SLC25A48: variants seen among roughly 807,000 people sequenced by gnomAD.
The protein encoded by SLC25A48 is CTC-321K16.1.
A neutral mutation model predicts 32.2 loss-of-function variants in SLC25A48; 29 were observed. The observed-to-expected ratio is 0.90, with a 90% CI of 0.67 to 1.23. SLC25A48 has a LOEUF of 1.23. SLC25A48 is among the 50% of genes most tolerant of loss of function. The probability of loss-of-function intolerance (pLI) is 0.00; values close to 1 mark genes in which losing one functional copy is unlikely to be tolerated. For missense variants in SLC25A48, 399 were observed against 422.7 expected (o/e 0.94, Z 0.49); for synonymous variants, 164 against 172.3 (o/e 0.95, Z 0.38).
chr5:135,734,584 T>C (rs548217296), intron 3 of SLC25A48, among the ~76,000 whole-genome samples: 16 of 151,654 alleles, frequency 1.1e-4, no homozygotes, highest in Admixed American at 1.0e-3. Context: ...TCCCAGCACT[T>C]TGGGAGGCTG....
upstream of SLC25A48, among the ~76,000 whole-genome samples, chr5:135,831,456 C>T (rs543637324): frequency 1.3e-5 from 2 of 152,208 alleles, no homozygotes; most frequent in Non-Finnish European, 2.9e-5. Context: ...CTGAGTCTGA[C>T]AGCAGAGATA....
rs1476989420 is a variant in SLC25A48, at chr5:135,780,710, A to G, written c.-520-31813A>G. On this transcript the variant is annotated intron_variant, in intron 3 of 10. Coordinates refer to the SLC25A48 transcript ENST00000646290. ...CTCGGTGTTATTTTTCCTTATATCC[A>G]GGGTTGGGAGAGGATGATATTATAC... Among the ~76,000 whole-genome samples, 3 of 116,422 alleles carry G rather than the reference A, an allele frequency of 2.6e-5. 1 individual carries two copies. The East Asian group carries it at 6.4e-4, about 25-fold the overall frequency. 76.4% of individuals were successfully genotyped at this position (116,422 alleles called of 152,430 possible).
chr5:135,594,294 G>A (rs767416372), intron 1 of SLC25A48, among the ~76,000 whole-genome samples: 6 of 152,236 alleles, frequency 3.9e-5, no homozygotes, highest in Admixed American at 1.3e-4. Context: ...AGTGGCTTCA[G>A]TTGGGGATAC....
At chr5:135,777,159 A>C (rs1416584544) in intron 3 of SLC25A48, among the ~76,000 whole-genome samples, 1 of 150,242 alleles carries the variant, frequency 6.7e-6, no homozygotes, top group African/African-American at 2.5e-5. Context: ...AACTGTACAC[A>C]CCCCCCGTAA....
Position 135,787,120 on chromosome 5 carries a change from G to A in SLC25A48, c.-520-25403G>A, listed in dbSNP as rs115578666. Among the ~76,000 whole-genome samples, 815 of 152,028 alleles carry A rather than the reference G, an allele frequency of 5.4e-3. 6 individuals carry two copies. The highest frequency in any genetic ancestry group is 0.019 in the African/African-American group (776 of 41,462). On this transcript the variant is annotated intron_variant, in intron 3 of 10. Coordinates refer to the SLC25A48 transcript ENST00000646290. ...GGGGGATGTTACTCCTAATTTCACA[G>A]TAAGTGTACACCATGGGTGTGCACC...
chr5:135,750,292 A>G (rs3963615), intron 3 of SLC25A48, among the ~76,000 whole-genome samples: 1 of 151,880 alleles, frequency 6.6e-6, no homozygotes, highest in African/African-American at 2.4e-5. Context: ...ATGGTTTAAA[A>G]CCACCATGGT....
intron 3 of SLC25A48, among the ~76,000 whole-genome samples, chr5:135,679,605 C>T (rs1426778784): frequency 6.6e-6 from 1 of 152,186 alleles, no homozygotes; most frequent in East Asian, 1.9e-4. Flanking sequence ...CTCAGGGCAA[C>T]ATAAAAATGC....
intron 4 of SLC25A48, among the ~76,000 whole-genome samples, chr5:135,861,955 T>C (rs1052674963): frequency 1.3e-5 from 2 of 152,268 alleles, no homozygotes; most frequent in Non-Finnish European, 2.9e-5. Context: ...TCCTGGGGCC[T>C]CTGCCACTTG....
At chr5:135,585,553 TATTA>T (rs1488055989) in intron 1 of SLC25A48, among the ~76,000 whole-genome samples, 1 of 152,230 alleles carries the variant, frequency 6.6e-6, no homozygotes, top group African/African-American at 2.4e-5. Context: ...GTGTCTTTCT[TATTA>T]ATTCTAGTTC....
intron 3 of SLC25A48, among the ~76,000 whole-genome samples, chr5:135,700,529 G>A (rs1194258513): frequency 6.6e-6 from 1 of 152,202 alleles, no homozygotes; most frequent in Non-Finnish European, 1.5e-5. Flanking sequence ...CCAGCCTCTA[G>A]AGCCCATCTC....
intron 1 of SLC25A48, among the ~76,000 whole-genome samples, chr5:135,582,541 G>A (rs1751258561): frequency 1.3e-5 from 2 of 152,090 alleles, no homozygotes. Context: ...GCCACTCCTG[G>A]CCCTTCATGG....
chr5:135,620,116 T>C (rs1752289409), intron 1 of SLC25A48, among the ~76,000 whole-genome samples: 1 of 152,156 alleles, frequency 6.6e-6, no homozygotes, highest in Admixed American at 6.5e-5. Flanking sequence ...CAGCAGTCCA[T>C]GTTTATATTG....
At chr5:135,765,116 C>A (rs1007283925) in intron 3 of SLC25A48, among the ~76,000 whole-genome samples, 1 of 151,244 alleles carries the variant, frequency 6.6e-6, no homozygotes, top group African/African-American at 2.4e-5. Flanking sequence ...GGCATACACC[C>A]CTTTGTGATA....
chr5:135,615,501 G>A (rs1752165146), intron 1 of SLC25A48, among the ~76,000 whole-genome samples: 1 of 152,152 alleles, frequency 6.6e-6, no homozygotes, highest in Non-Finnish European at 1.5e-5. Flanking sequence ...TTTCTAAGCA[G>A]CAAAGCATTT....
intron 1 of SLC25A48, among the ~76,000 whole-genome samples, chr5:135,602,032 T>A (rs1375745186): frequency 1.3e-5 from 2 of 152,244 alleles, no homozygotes; most frequent in African/African-American, 2.4e-5. Flanking sequence ...TTAGTGCACC[T>A]GTCTCTGGCA....
intron 4 of SLC25A48, among the ~76,000 whole-genome samples, chr5:135,823,787 G>A (rs1757952383): frequency 6.6e-6 from 1 of 152,186 alleles, no homozygotes; most frequent in Non-Finnish European, 1.5e-5. Flanking sequence ...AAGCGCTGAG[G>A]AAGTCACCAC....
intron 3 of SLC25A48, among the ~76,000 whole-genome samples, chr5:135,703,677 G>A (rs949142231): frequency 7.2e-5 from 11 of 152,160 alleles, no homozygotes; most frequent in Non-Finnish European, 1.5e-5. Flanking sequence ...ACCTGTGAGT[G>A]CCTCCTCCTT....
At chr5:135,720,852 G>C (rs915563671) in intron 3 of SLC25A48, among the ~76,000 whole-genome samples, 3 of 152,132 alleles carry the variant, frequency 2.0e-5, no homozygotes, top group African/African-American at 7.2e-5. Context: ...GGATGGATGT[G>C]GTGGTGGAAG....
chr5:135,708,131 A>G (rs1336921244), intron 3 of SLC25A48, among the ~76,000 whole-genome samples: 2 of 152,176 alleles, frequency 1.3e-5, no homozygotes, highest in Non-Finnish European at 2.9e-5. Context: ...GGATAGGGAT[A>G]TAGATTCTAT....
Sources: gnomAD v4.1 joint callset for allele counts (sites outside exome capture counted in the v4.1 genomes callset) on GRCh38, gnomAD v4.1.1 for gene constraint, MANE v1.5 for transcripts, NCBI Gene and HGNC (gene_info 2026-07-23, HGNC 2026-07-21) for gene names.